CASS4: variants seen among roughly 807,000 people sequenced by gnomAD.
The protein encoded by CASS4 is cas scaffolding protein family member 4.
CASS4 carries 22 observed loss-of-function variants against 54.2 expected under a neutral mutation model. The ratio of observed to expected loss-of-function variants is 0.41; its 90% CI spans 0.29 to 0.58. The LOEUF (loss-of-function observed/expected upper bound fraction) is 0.58. CASS4 is among the 20% of genes least tolerant of loss of function. CASS4 has a pLI of 0.36. For synonymous variants in CASS4, 409 were observed against 391.5 expected, an observed-to-expected ratio of 1.04 and a Z score of -0.53; for missense variants, 854 against 986.7, an observed-to-expected ratio of 0.87 and a Z score of 1.80.
chr20:56,458,428 G>A lies in CASS4; in HGVS notation c.2042G>A (p.Gly681Glu). 1.9e-6 allele frequency: 3 copies of A among 1,614,072 alleles called. No individual in the cohort carries two copies. Among genetic ancestry groups the A allele is most frequent in the Non-Finnish European group, 2.5e-6 (3 of 1,180,022 alleles). The part of the protein sequence containing the change: ...RLSEHCRLYF[G>E]ALFKAISAFH... The stretch of plus-strand genomic sequence containing the variant: ...TCTGAACACTGCCGGCTCTACTTTG[G>A]GGCGCTCTTCAAAGCCATCAGCGCA... The change falls in exon 6 of 6, where the codon GGG becomes GAG. Residue 681 changes from glycine (G) to glutamate (E), a missense_variant. Gly to Glu is a moderately conservative substitution (Grantham distance 98). Transcript: ENST00000679887.
At chr20:56,423,964 C>A (rs916241718) in intron 1 of CASS4, among the ~76,000 whole-genome samples, 1 of 152,170 alleles carries the variant, frequency 6.6e-6, no homozygotes, top group African/African-American at 2.4e-5. Context: ...ATAATTTTCA[C>A]CTTTTTCAAA....
At chr20:56,432,429 G>C (rs1049570951) in intron 1 of CASS4, among the ~76,000 whole-genome samples, 1 of 142,298 alleles carries the variant, frequency 7.0e-6, no homozygotes, top group African/African-American at 2.6e-5. Context: ...GTGCAGTGGC[G>C]CGATCTTGGC....
chr20:56,439,341 T>C (rs187777625), intron 2 of CASS4, among the ~76,000 whole-genome samples: 135 of 151,794 alleles, frequency 8.9e-4, no homozygotes, highest in African/African-American at 3.0e-3. Context: ...GCCTAAAGTA[T>C]CAATTTTTAA....
intron 4 of CASS4, among the ~76,000 whole-genome samples, chr20:56,451,130 A>G (rs532937065): frequency 6.6e-5 from 10 of 152,268 alleles, no homozygotes; most frequent in African/African-American, 2.4e-4. Flanking sequence ...CTCTCATTGC[A>G]CTTGTGTTCA....
intron 2 of CASS4, among the ~76,000 whole-genome samples, chr20:56,440,214 ACTCT>A (rs1980391932): frequency 1.3e-5 from 2 of 152,106 alleles, no homozygotes; most frequent in South Asian, 4.1e-4. Context: ...GTGGACACTA[ACTCT>A]CTTTTCTGGA....
chr20:56,452,597 C>A lies in CASS4; in HGVS notation c.1421C>A (p.Ala474Asp), dbSNP rs1360243582. The change falls in exon 5 of 6, where the codon GCC becomes GAC. Residue 474 changes from alanine to aspartate, a missense_variant. Physicochemically the swap from Ala to Asp is moderately radical, Grantham distance 126. Transcript: ENST00000679887. ...TGGAGATTCCGAGACTATCTGGAGG[C>A]CAACATTGATGCAATCCACAGGTCC... ...RKWRFRDYLE[A>D]NIDAIHRSTD... The A allele has an allele frequency of 6.2e-7, 1 of 1,614,114 alleles. No homozygotes were observed. The highest frequency in any genetic ancestry group is 2.2e-5 in the East Asian group (1 of 44,870).
At position 56,437,199 on chromosome 20, in the gene CASS4, T is replaced by C. The variant is rs1245681688; in HGVS notation, c.72T>C (p.Pro24=). The change falls in exon 2 of 6, where the codon CCT becomes CCC. Residue 24 remains proline, a synonymous_variant. Transcript: ENST00000679887. This position sits in a 1 kb window ranked among gnomAD's most constrained non-coding sequence, Gnocchi z 4.7. The stretch of plus-strand genomic sequence containing the variant: ...CCAGGGCACTTTATGACAACTGCCC[T>C]GACTGCTCTGACGAGCTGGCTTTCA... ...LLARALYDNC[P]DCSDELAFSR... 2 of 1,591,552 alleles carry C rather than the reference T, an allele frequency of 1.3e-6. No individual in the cohort carries two copies. Among genetic ancestry groups the C allele is most frequent in the Non-Finnish European group, 1.7e-6 (2 of 1,166,884 alleles).
chr20:56,412,282 C>T lies in CASS4; in HGVS notation c.-177C>T. On this transcript the variant is annotated 5_prime_UTR_variant, in exon 1 of 6. Transcript: ENST00000679887. This position sits in a 1 kb window ranked among gnomAD's most constrained non-coding sequence, Gnocchi z 4.2. ...TTTCATTTTACTCTTATCGTGCTTT[C>T]CAGAAAGTTTGCCTGCTGGGAGAGT... The T allele has an allele frequency of 1.5e-6, 1 of 678,726 alleles. No individual in the cohort carries two copies. The allele number at this position is 678,726 out of a possible 1,614,324, so 42.0% of individuals were successfully genotyped here. A position where few individuals can be genotyped will look rare whatever the true frequency, so the allele number is the denominator to read the frequency against.
intron 1 of CASS4, among the ~76,000 whole-genome samples, chr20:56,428,031 A>G (rs1177195190): frequency 5.3e-5 from 8 of 152,148 alleles, no homozygotes; most frequent in Non-Finnish European, 7.4e-5. Context: ...CTCCACCACT[A>G]GTTTGGGGAA....
intron 5 of CASS4, among the ~76,000 whole-genome samples, chr20:56,455,430 T>C (rs1981243448): frequency 6.6e-6 from 1 of 152,164 alleles, no homozygotes; most frequent in Non-Finnish European, 1.5e-5. Context: ...GGATGTCCAA[T>C]GATAGGATAA....
chr20:56,452,454 G>C lies in CASS4; in HGVS notation c.1278G>C (p.Ser426=). The C allele has an allele frequency of 6.2e-7, 1 of 1,613,790 alleles. No homozygotes were observed. Among genetic ancestry groups the C allele is most frequent in the Non-Finnish European group, 8.5e-7 (1 of 1,179,850 alleles). Residue 426 remains serine, a synonymous_variant, in exon 5 of 6, where the codon TCG becomes TCC. Coordinates refer to ENST00000679887, the MANE Select transcript of CASS4 (RefSeq NM_020356.4). ...CCGACGACTCCTCCAGCTCTTCCTC[G>C]GAGGAGTCAGCAAAGGAGCTCTCCT... is the stretch of plus-strand genomic sequence containing the variant. ...TSTDDSSSSS[S]EESAKELSLD... is the part of the protein sequence containing the mutation.
intron 2 of CASS4, among the ~76,000 whole-genome samples, chr20:56,438,577 G>T (rs1980307179): frequency 6.6e-6 from 1 of 152,160 alleles, no homozygotes; most frequent in Admixed American, 6.5e-5. Context: ...TCAAAAAAGA[G>T]GCAGGGCGCA....
Position 56,437,593 on chromosome 20 carries a change from A to T in CASS4, c.459+7A>T. ...TCTCAGCTTTCCAAAACAGGTACGC[A>T]TACTTCCACCTACTAGACATGGGTT... On this transcript the variant is annotated splice_region_variant and intron_variant, in intron 2 of 5. Transcript: ENST00000679887. The surrounding 1 kb of genome is among the most constrained non-coding windows in gnomAD (Gnocchi z 4.7). The T allele has an allele frequency of 6.6e-7, 1 of 1,524,168 alleles. No individual in the cohort carries two copies. Among genetic ancestry groups the T allele is most frequent in the Non-Finnish European group, 8.8e-7 (1 of 1,135,966 alleles). The allele number at this position is 1,524,168 out of a possible 1,614,324, so 94.4% of individuals were successfully genotyped here.
At chr20:56,451,428 G>A (rs190488754) in intron 4 of CASS4, among the ~76,000 whole-genome samples, 23 of 152,312 alleles carry the variant, frequency 1.5e-4, no homozygotes, top group Admixed American at 1.4e-3. Flanking sequence ...GGTCATTAGG[G>A]AACATCTTAC....
Position 56,458,329 on chromosome 20 carries a change from C to T in CASS4, c.1954-11C>T, listed in dbSNP as rs750165813. On this transcript the variant is annotated splice_polypyrimidine_tract_variant and intron_variant, in intron 5 of 5. Transcript: ENST00000679887. ...GAATCTCCTATCTATTTTCTTCCTT[C>T]CCTTCTTTAGAATCCTGGCCCTCTT... The T allele has an allele frequency of 1.3e-6, 2 of 1,596,904 alleles. No individual in the cohort carries two copies. The highest frequency in any genetic ancestry group is 8.6e-7 in the Non-Finnish European group (1 of 1,165,948).
At position 56,452,827 on chromosome 20, in the gene CASS4, A is replaced by T. The variant is rs1283573287; in HGVS notation, c.1651A>T (p.Ser551Cys). 3 of 1,614,004 alleles carry T rather than the reference A, an allele frequency of 1.9e-6. No individual in the cohort carries two copies. The African/African-American group carries it at 4.0e-5, about 22-fold the overall frequency. The change falls in exon 5 of 6, where the codon AGT becomes TGT. Residue 551 changes from serine (S) to cysteine (C), a missense_variant. Ser to Cys is a moderately radical substitution (Grantham distance 112). Coordinates refer to ENST00000679887, the MANE Select transcript of CASS4 (RefSeq NM_020356.4). ...GCCTCTGGAAGTTCTTGTGACTGAC[A>T]GTGTCCAGAACAGCCCAGATGACCT... ...NWPLEVLVTDSVQNSPDDLER... is the reference protein window; with the variant it reads ...NWPLEVLVTDCVQNSPDDLER...
chr20:56,412,436 G>A lies in CASS4; in HGVS notation c.-23G>A, dbSNP rs752109065. 2.0e-5 allele frequency: 32 copies of A among 1,611,510 alleles called. No individual in the cohort carries two copies. In the Admixed American group the frequency reaches 3.0e-4, roughly 15 times the overall value. On this transcript the variant is annotated 5_prime_UTR_variant, in exon 1 of 6. Coordinates refer to ENST00000679887, the MANE Select transcript of CASS4 (RefSeq NM_020356.4). The surrounding 1 kb of genome is among the most constrained non-coding windows in gnomAD (Gnocchi z 4.2). ...TGGAGATACTAGCTGCAGAGCTCAGGGGAGCTGCTCCACATCACCGACATG... is the reference window on the plus strand; with the variant it reads ...TGGAGATACTAGCTGCAGAGCTCAGAGGAGCTGCTCCACATCACCGACATG...
intron 2 of CASS4, among the ~76,000 whole-genome samples, chr20:56,441,757 C>T (rs1160070540): frequency 6.6e-6 from 1 of 152,170 alleles, no homozygotes; most frequent in East Asian, 1.9e-4. Context: ...GACCTCCCAA[C>T]ACCCTTTGTG....
In CASS4 at chr20:56,452,233, C is replaced by T; in HGVS notation, c.1057C>T (p.Pro353Ser). 3.1e-6 allele frequency: 5 copies of T among 1,614,084 alleles called. No homozygotes were observed. Among genetic ancestry groups the T allele is most frequent in the Non-Finnish European group, 4.2e-6 (5 of 1,180,026 alleles). Residue 353 changes from proline to serine, a missense_variant, in exon 5 of 6, where the codon CCT becomes TCT. By Grantham distance (74) the Pro-to-Ser change is moderately conservative (BLOSUM62 -1). Transcript: ENST00000679887. ...QNTKPNIYDI[P>S]KATSSVSQAG... ...CACCAAGCCCAATATTTATGACATC[C>T]CTAAAGCAACGTCGAGTGTTTCTCA...
Sources: gnomAD v4.1 joint callset for allele counts (sites outside exome capture counted in the v4.1 genomes callset) on GRCh38, gnomAD v4.1.1 for gene constraint, Gnocchi (gnomAD v3.1) non-coding constraint, MANE v1.5 for transcripts, NCBI Gene and HGNC (gene_info 2026-07-23, HGNC 2026-07-21) for gene names.